Variants in CPNE3 observed in about 807,000 individuals in gnomAD.
The protein encoded by CPNE3 is copine-3.
CPNE3 carries 68 observed loss-of-function variants against 63.9 expected under a neutral mutation model. The observed-to-expected ratio is 1.06, with a 90% CI of 0.87 to 1.30. CPNE3 has a LOEUF of 1.30. CPNE3 is among the 50% of genes most tolerant of loss of function. CPNE3 has a pLI of 0.00. For synonymous variants in CPNE3, 219 were observed against 197.5 expected (o/e 1.11, Z -0.91); for missense variants, 665 against 578.1 (o/e 1.15, Z -1.54).
chr8:86,554,953 C>T lies in CPNE3; in HGVS notation c.1223C>T (p.Ala408Val). The T allele has an allele frequency of 6.2e-7, 1 of 1,614,146 alleles. No individual in the cohort carries two copies. The highest frequency in any genetic ancestry group is 8.5e-7 in the Non-Finnish European group (1 of 1,180,014). ...SPIINHVARF[A>V]AAATQQQTAS... ...ATCATAAATCACGTGGCCAGGTTTGCTGCTGCAGCCACGCAACAGCAGACA... is the reference window on the plus strand; with the variant it reads ...ATCATAAATCACGTGGCCAGGTTTGTTGCTGCAGCCACGCAACAGCAGACA... The change falls in exon 15 of 17, where the codon GCT becomes GTT. Residue 408 changes from alanine to valine, a missense_variant. Ala to Val is a moderately conservative substitution (Grantham distance 64). Transcript: ENST00000517490.
At position 86,559,745 on chromosome 8, in the gene CPNE3, C is replaced by T. The variant is rs1821397603; in HGVS notation, c.*1335C>T. The T allele has an allele frequency of 6.6e-6, 1 of 151,858 alleles. No individual in the cohort carries two copies. Among genetic ancestry groups the T allele is most frequent in the South Asian group, 2.1e-4 (1 of 4,830 alleles). 9.4% of individuals were successfully genotyped at this position (151,858 alleles called of 1,614,324 possible). A position where few individuals can be genotyped will look rare whatever the true frequency, so the allele number is the denominator to read the frequency against. On this transcript the variant is annotated 3_prime_UTR_variant, in exon 17 of 17. Transcript: ENST00000517490. Reference sequence around the variant, plus strand: ...TAGATCCTAATATTTTATTGAGGGCCTATGTGCTAAAAACTATGCATATCT... The same window carrying T: ...TAGATCCTAATATTTTATTGAGGGCTTATGTGCTAAAAACTATGCATATCT...
At chr8:86,546,736 G>A in intron 10 of CPNE3, 55 bp downstream of exon 10, 1 of 1,551,160 alleles carries the variant, frequency 6.4e-7, no homozygotes, top group Non-Finnish European at 8.7e-7. Flanking sequence ...TTTTGAGCTG[G>A]AGCCTCGCTC....
chr8:86,554,886 C>G lies in CPNE3; in HGVS notation c.1156C>G (p.Leu386Val), dbSNP rs745910988. Residue 386 changes from leucine (L) to valine (V), a missense_variant, in exon 15 of 17, where the codon CTT becomes GTT. Transcript: ENST00000517490. ...QGIVEAYRSCLPQIKLYGPTN... is the reference protein window; with the variant it reads ...QGIVEAYRSCVPQIKLYGPTN... ...CATTGTAGAGGCGTATCGGTCTTGTCTTCCTCAGATAAAACTCTATGGACC... is the reference window on the plus strand; with the variant it reads ...CATTGTAGAGGCGTATCGGTCTTGTGTTCCTCAGATAAAACTCTATGGACC... 2 of 1,614,126 alleles carry G rather than the reference C, an allele frequency of 1.2e-6. No homozygotes were observed. The highest frequency in any genetic ancestry group is 4.5e-5 in the East Asian group (2 of 44,872).
At chr8:86,530,714 G>A (rs1464593366) in intron 4 of CPNE3, among the ~76,000 whole-genome samples, 1 of 137,362 alleles carries the variant, frequency 7.3e-6, no homozygotes, top group Non-Finnish European at 1.5e-5. Context: ...TTTTTGAGAT[G>A]GACTCTCACT....
At position 86,540,310 on chromosome 8, in the gene CPNE3, C is replaced by T. The variant is rs376893060; in HGVS notation, c.609C>T (p.Tyr203=). 2.9e-5 allele frequency: 46 copies of T among 1,566,966 alleles called. No individual in the cohort carries two copies. Among genetic ancestry groups the T allele is most frequent in the African/African-American group, 2.5e-4 (18 of 72,274 alleles). ...PFKISLNSLC[Y]GDMDKTIKVE... ...AGATCTCTCTTAACTCACTGTGTTA[C>T]GGAGATATGGACAAAACCATTAAGG... Residue 203 remains tyrosine (Y), a synonymous_variant, in exon 8 of 17, where the codon TAC becomes TAT. Transcript: ENST00000517490.
intron 7 of CPNE3, among the ~76,000 whole-genome samples, chr8:86,538,951 C>A (rs111686264): frequency 2.6e-4 from 39 of 152,278 alleles, no homozygotes; most frequent in African/African-American, 9.1e-4. Context: ...TCTAGCACTT[C>A]AACCAGTGGT....
rs761153864 is a variant in CPNE3, at chr8:86,532,567, A to G, written c.446A>G (p.Lys149Arg). The stretch of plus-strand genomic sequence containing the variant: ...GTCTTGTTTGAAATGGAAGCCAGAA[A>G]ACTGGATAATAAGGTGGGTAGACTA... Reference protein sequence around the residue: ...RVVLFEMEARKLDNKDLFGKS... With the variant: ...RVVLFEMEARRLDNKDLFGKS... Residue 149 changes from lysine to arginine, a missense_variant, in exon 6 of 17, where the codon AAA becomes AGA. Coordinates refer to ENST00000517490, the MANE Select transcript of CPNE3 (RefSeq NM_003909.5). 9 of 1,613,014 alleles carry G rather than the reference A, an allele frequency of 5.6e-6. No homozygotes were observed. The highest frequency in any genetic ancestry group is 7.6e-6 in the Non-Finnish European group (9 of 1,179,508).
At chr8:86,516,169 A>AC (rs1447206097) in intron 2 of CPNE3, among the ~76,000 whole-genome samples, 2 of 152,200 alleles carry the variant, frequency 1.3e-5, no homozygotes, top group Non-Finnish European at 2.9e-5. Context: ...GAATTTTAGG[A>AC]CCCCACAGAC....
chr8:86,560,275 G>A lies in CPNE3; in HGVS notation c.*1865G>A, dbSNP rs1821410086. On this transcript the variant is annotated 3_prime_UTR_variant, in exon 17 of 17. Coordinates refer to ENST00000517490, the MANE Select transcript of CPNE3 (RefSeq NM_003909.5). ...TTGGAAACAGCATAGATATGTTGCT[G>A]TGGTTTTCAGAATTTTCTCTTTTAA... 6.6e-6 allele frequency: 1 copy of A among 152,192 alleles called. No individual in the cohort carries two copies. The highest frequency in any genetic ancestry group is 1.5e-5 in the Non-Finnish European group (1 of 68,042). The allele number at this position is 152,192 out of a possible 1,614,324, so 9.4% of individuals were successfully genotyped here.
Position 86,532,588 on chromosome 8 carries a change from G to C in CPNE3, c.459+8G>C. 1 of 1,604,880 alleles carries C rather than the reference G, an allele frequency of 6.2e-7. No individual in the cohort carries two copies. Among genetic ancestry groups the C allele is most frequent in the Non-Finnish European group, 8.5e-7 (1 of 1,176,694 alleles). On this transcript the variant is annotated splice_region_variant and intron_variant, in intron 6 of 16. Transcript: ENST00000517490. ...AGAAAACTGGATAATAAGGTGGGTAGACTATGCAGATTTCAAAAAGGTTGT... is the reference window on the plus strand; with the variant it reads ...AGAAAACTGGATAATAAGGTGGGTACACTATGCAGATTTCAAAAAGGTTGT...
Position 86,556,161 on chromosome 8 carries a change from A to G in CPNE3, c.1314A>G (p.Arg438=), listed in dbSNP as rs1449149003. The G allele has an allele frequency of 1.1e-6, 1 of 872,924 alleles. No individual in the cohort carries two copies. Among genetic ancestry groups the G allele is most frequent in the Non-Finnish European group, 2.0e-6 (1 of 501,690 alleles). 54.1% of individuals were successfully genotyped at this position (872,924 alleles called of 1,614,324 possible). ...TGATCACAGACCTTGATGAAACCAGACAAGCTATAGTTAATGCCTCCAGGC... is the reference window on the plus strand; with the variant it reads ...TGATCACAGACCTTGATGAAACCAGGCAAGCTATAGTTAATGCCTCCAGGC... The part of the protein sequence containing the change: ...DGVITDLDET[R]QAIVNASRLP... Residue 438 remains arginine (R), a synonymous_variant, in exon 16 of 17, where the codon AGA becomes AGG. Transcript: ENST00000517490.
chr8:86,531,539 T>C (rs1039552707), intron 5 of CPNE3, among the ~76,000 whole-genome samples: 1 of 152,230 alleles, frequency 6.6e-6, no homozygotes, highest in African/African-American at 2.4e-5. Flanking sequence ...AACTGCTTAA[T>C]AATCTGTATC....
rs185717710 is a variant in CPNE3, at chr8:86,528,460, C to T, written c.-10-76C>T. ...TGTGACAATTGGTCTTAAGAAGTCA[C>T]CTGTTTTTGTTAGGAATGAGTGTGC... On this transcript the variant is annotated intron_variant, in intron 2 of 16. Transcript: ENST00000517490. 6.0e-5 allele frequency: 92 copies of T among 1,532,472 alleles called. No individual in the cohort carries two copies. In the East Asian group the frequency reaches 2.0e-3, roughly 33 times the overall value. The allele number at this position is 1,532,472 out of a possible 1,614,324, so 94.9% of individuals were successfully genotyped here.
intron 8 of CPNE3, among the ~76,000 whole-genome samples, chr8:86,542,172 G>A (rs539755074): frequency 3.9e-5 from 6 of 152,208 alleles, no homozygotes; most frequent in Admixed American, 1.3e-4. Flanking sequence ...GGTTTGCTAC[G>A]TCATCACTGA....
intron 10 of CPNE3, chr8:86,547,353 T>C (rs1235487856): frequency 1.1e-5 from 2 of 184,186 alleles, no homozygotes; most frequent in Non-Finnish European, 2.2e-5. Flanking sequence ...AAAGCCAAGA[T>C]TTTTTAGGGT....
chr8:86,553,556 A>G (rs531041812), intron 14 of CPNE3, among the ~76,000 whole-genome samples: 1 of 152,288 alleles, frequency 6.6e-6, no homozygotes, highest in African/African-American at 2.4e-5. Context: ...CCTAGGAGTA[A>G]TAGGCTATAC....
intron 6 of CPNE3, 78 bp from the exon 7 acceptor site, chr8:86,537,485 A>C: frequency 1.2e-6 from 1 of 858,842 alleles, no homozygotes; most frequent in Non-Finnish European, 2.0e-6. Flanking sequence ...GGTTGCCAAC[A>C]TGTGTAAAGT....
intron 4 of CPNE3, among the ~76,000 whole-genome samples, chr8:86,530,921 A>T (rs1009627666): frequency 2.0e-5 from 3 of 151,382 alleles, no homozygotes; most frequent in African/African-American, 7.3e-5. Flanking sequence ...TAAACTCCTG[A>T]CCTCAGGTAA....
At chr8:86,556,709 G>T (rs1228489351) in intron 16 of CPNE3, among the ~76,000 whole-genome samples, 1 of 152,096 alleles carries the variant, frequency 6.6e-6, no homozygotes, top group Non-Finnish European at 1.5e-5. Context: ...GTAACATATT[G>T]CAGAGCTATA....
Sources: allele counts gnomAD v4.1 joint callset (sites outside exome capture counted in the v4.1 genomes callset), GRCh38; gene constraint gnomAD v4.1.1; transcripts MANE v1.5; gene names NCBI Gene and HGNC (gene_info 2026-07-23, HGNC 2026-07-21).